ADAMTS12: variants seen among roughly 807,000 people sequenced by gnomAD.
ADAMTS12 encodes the protein A disintegrin and metalloproteinase with thrombospondin motifs 12.
In ADAMTS12, 118 loss-of-function variants were observed where a neutral mutation model predicts 167.8. That is an observed-to-expected ratio of 0.70 (90% CI 0.61 to 0.82). The LOEUF is 0.82. Ranked by LOEUF, ADAMTS12 falls within the 40% of genes least tolerant of loss-of-function variation. The probability of loss-of-function intolerance (pLI) is 0.00; values close to 1 mark genes in which losing one functional copy is unlikely to be tolerated. For synonymous variants in ADAMTS12, 704 were observed against 716.9 expected (o/e 0.98, Z 0.29); for missense variants, 1,916 against 1,998.8 (o/e 0.96, Z 0.79).
rs771292306 is a variant in ADAMTS12 at position 33,624,233 on chromosome 5, G to C, written c.2141C>G (p.Ser714Cys). ...TCGATTATTTATTTGTTTATTACCA[G>C]ATCCTTCCTTCTGCTTAAACATCTT... ...VRKMFKQKEG[S>C]GYVDIGLIPK... Residue 714 changes from serine (S) to cysteine (C), a missense_variant and splice_region_variant, in exon 14 of 24, where the codon TCT becomes TGT. Coordinates refer to ENST00000504830, the MANE Select transcript of ADAMTS12 (RefSeq NM_030955.4). 6.2e-7 allele frequency: 1 copy of C among 1,614,008 alleles called. No homozygotes were observed. Among genetic ancestry groups the C allele is most frequent in the South Asian group, 1.1e-5 (1 of 91,060 alleles).
At chr5:33,594,299 C>T (rs1289924805) in intron 17 of ADAMTS12, among the ~76,000 whole-genome samples, 2 of 152,200 alleles carry the variant, frequency 1.3e-5, no homozygotes, top group Non-Finnish European at 2.9e-5. Context: ...TGAGGCCTCC[C>T]TAACCACATG....
rs149129120 is a variant in ADAMTS12 at position 33,742,888 on chromosome 5, G to A, written c.634+8516C>T. Among the ~76,000 whole-genome samples the A allele has an allele frequency of 7.4e-3, 1,122 of 152,318 alleles. 5 individuals carry two copies. The highest frequency in any genetic ancestry group is 0.012 in the Non-Finnish European group (850 of 68,026). ...GGATTGAGCATATTTCTGGTTCATG[G>A]AAGACAGACAATAAACCAATACACA... On this transcript the variant is annotated intron_variant, in intron 3 of 23. Transcript: ENST00000504830.
In ADAMTS12 at chr5:33,638,193, C is replaced by T. The variant is rs546502157; in HGVS notation, c.1719-447G>A. ...CAACTCTGCAATAATCAAACCAGTCCAATTCTTATCTCCATTCCTATCTCT... is the reference window on the plus strand; with the variant it reads ...CAACTCTGCAATAATCAAACCAGTCTAATTCTTATCTCCATTCCTATCTCT... On this transcript the variant is annotated intron_variant, in intron 11 of 23. Transcript: ENST00000504830. Among the ~76,000 whole-genome samples the T allele has an allele frequency of 2.7e-4, 40 of 150,934 alleles. 1 individual carries two copies. The East Asian group carries it at 5.7e-3, about 21-fold the overall frequency.
At position 33,628,137 on chromosome 5, in the gene ADAMTS12, G is replaced by A. The variant is rs118039527; in HGVS notation, c.2022+2643C>T. Among the ~76,000 whole-genome samples the A allele has an allele frequency of 5.3e-4, 81 of 152,214 alleles. 1 individual carries two copies. The East Asian group carries it at 0.011, about 21-fold the overall frequency. On this transcript the variant is annotated intron_variant, in intron 13 of 23. Transcript: ENST00000504830. ...CAGGGCATCTGGTCTATTTTAGAAG[G>A]AAATTCAGCCAACGTTATGCTGACT... is the stretch of plus-strand genomic sequence containing the variant.
intron 3 of ADAMTS12, among the ~76,000 whole-genome samples, chr5:33,718,537 C>T (rs554757782): frequency 6.6e-6 from 1 of 152,244 alleles, no homozygotes; most frequent in African/African-American, 2.4e-5. Context: ...TAAGGTGGAA[C>T]AGTTTCATCC....
chr5:33,625,439 C>A (rs1177659216), intron 13 of ADAMTS12, among the ~76,000 whole-genome samples: 1 of 152,094 alleles, frequency 6.6e-6, no homozygotes, highest in Non-Finnish European at 1.5e-5. Flanking sequence ...GCTTGAGCAC[C>A]CTCTAATAAG....
chr5:33,835,933 CTCTCTCTCTCTCTCTCTCTCTGTGTG>C (rs1288549692), intron 2 of ADAMTS12, among the ~76,000 whole-genome samples: 1 of 52,364 alleles, frequency 1.9e-5, no homozygotes, highest in Non-Finnish European at 4.2e-5. Context: ...CTCTCTCTCT[CTCTCTCTCTCTCTCTCTCTCTGTGTG>C]TGTGTGTGTG....
intron 2 of ADAMTS12, among the ~76,000 whole-genome samples, chr5:33,844,516 C>T (rs11738654): frequency 0.22 from 33,415 of 152,036 alleles, 4,254 homozygotes; most frequent in Middle Eastern, 0.3. Flanking sequence ...TGCTCCCAGG[C>T]TTATTAGGAT....
At chr5:33,838,144 C>T (rs571363625) in intron 2 of ADAMTS12, among the ~76,000 whole-genome samples, 1 of 152,210 alleles carries the variant, frequency 6.6e-6, no homozygotes, top group East Asian at 1.9e-4. Context: ...TGTATAGCTT[C>T]CAGGTTGAGC....
chr5:33,569,577 A>G (rs1746203627), intron 19 of ADAMTS12, among the ~76,000 whole-genome samples: 1 of 152,222 alleles, frequency 6.6e-6, no homozygotes, highest in Non-Finnish European at 1.5e-5. Context: ...AAGGACATCC[A>G]CACAAAAAAC....
At chr5:33,766,154 G>A (rs796422436) in intron 2 of ADAMTS12, among the ~76,000 whole-genome samples, 13 of 152,272 alleles carry the variant, frequency 8.5e-5, no homozygotes, top group African/African-American at 3.1e-4. Flanking sequence ...AAAGAGCAGA[G>A]TATTAAAAGA....
chr5:33,663,490 C>T (rs748009392), intron 5 of ADAMTS12, among the ~76,000 whole-genome samples: 1 of 152,190 alleles, frequency 6.6e-6, no homozygotes, highest in Admixed American at 6.5e-5. Flanking sequence ...ATTTCTTGAT[C>T]ATTTACTATG....
Position 33,615,926 on chromosome 5 carries a change from T to C in ADAMTS12, c.2290A>G (p.Asn764Asp). 2 of 1,614,158 alleles carry C rather than the reference T, an allele frequency of 1.2e-6. No homozygotes were observed. Among genetic ancestry groups the C allele is most frequent in the African/African-American group, 2.7e-5 (2 of 75,042 alleles). Reference sequence around the variant, plus strand: ...AAGACAGTCCCTGCCAGCTTATAGTTCCCGTTCCACTGGATAATAAACCCT... The same window carrying C: ...AAGACAGTCCCTGCCAGCTTATAGTCCCCGTTCCACTGGATAATAAACCCT... ...NGGFIIQWNG[N>D]YKLAGTVFQY... is the part of the protein sequence containing the mutation. Residue 764 changes from asparagine (N) to aspartate (D), a missense_variant, in exon 15 of 24, where the codon AAC (asparagine) becomes GAC (aspartate). Physicochemically the swap from Asn to Asp is conservative, Grantham distance 23 (BLOSUM62 1). Coordinates refer to ENST00000504830, the MANE Select transcript of ADAMTS12 (RefSeq NM_030955.4).
intron 2 of ADAMTS12, among the ~76,000 whole-genome samples, chr5:33,777,929 G>C (rs1368177445): frequency 3.3e-5 from 5 of 151,752 alleles, no homozygotes; most frequent in Admixed American, 3.3e-4. Context: ...TTTATAATAG[G>C]AGAAACAAAA....
At chr5:33,605,866 C>A (rs921289191) in intron 16 of ADAMTS12, among the ~76,000 whole-genome samples, 2 of 152,138 alleles carry the variant, frequency 1.3e-5, no homozygotes, top group South Asian at 2.1e-4. Flanking sequence ...GAAATTGAAG[C>A]ACAAATAAGT....
In ADAMTS12 at chr5:33,751,256, A is replaced by C. The variant is rs1579904694; in HGVS notation, c.634+148T>G. 3 of 992,716 alleles carry C rather than the reference A, an allele frequency of 3.0e-6. No homozygotes were observed. The East Asian group carries it at 7.7e-5, about 26-fold the overall frequency. The allele number at this position is 992,716 out of a possible 1,614,324, so 61.5% of individuals were successfully genotyped here. A position where few individuals can be genotyped will look rare whatever the true frequency, so the allele number is the denominator to read the frequency against. ...TGTACACTTTCTGGCAAGAGAATAC[A>C]GAAGAGATTTGAATGTCATGAAGAT... On this transcript the variant is annotated intron_variant, in intron 3 of 23. Coordinates refer to ENST00000504830, the MANE Select transcript of ADAMTS12 (RefSeq NM_030955.4).
intron 2 of ADAMTS12, among the ~76,000 whole-genome samples, chr5:33,822,554 A>G (rs1183327183): frequency 2.0e-5 from 3 of 152,168 alleles, no homozygotes; most frequent in East Asian, 3.9e-4. Context: ...GTGTTTTTCA[A>G]CTTATCACCT....
intron 3 of ADAMTS12, among the ~76,000 whole-genome samples, chr5:33,731,776 C>T (rs2112354131): frequency 6.6e-6 from 1 of 152,266 alleles, no homozygotes; most frequent in Admixed American, 6.5e-5. Flanking sequence ...GCTGATGGCT[C>T]ATGACCCTGC....
intron 2 of ADAMTS12, among the ~76,000 whole-genome samples, chr5:33,818,339 G>A (rs1216464566): frequency 1.3e-5 from 2 of 151,914 alleles, no homozygotes; most frequent in East Asian, 3.9e-4. Flanking sequence ...TTAAAAATAT[G>A]CCACATATAA....
Sources: gnomAD v4.1 joint callset for allele counts (sites outside exome capture counted in the v4.1 genomes callset) on GRCh38, gnomAD v4.1.1 for gene constraint, MANE v1.5 for transcripts, NCBI Gene and HGNC (gene_info 2026-07-23, HGNC 2026-07-21) for gene names.